SNCAIP: variants seen among roughly 807,000 people sequenced by gnomAD.
SNCAIP encodes the protein synphilin-1.
A neutral mutation model predicts 86.7 loss-of-function variants in SNCAIP; 43 were observed. The observed-to-expected ratio is 0.50, with a 90% CI of 0.39 to 0.64. The LOEUF (loss-of-function observed/expected upper bound fraction) is 0.64, where lower values mean the gene tolerates loss of function less well. Ranked by LOEUF, SNCAIP falls within the 30% of genes least tolerant of loss-of-function variation. The probability of loss-of-function intolerance (pLI) is 0.00; values close to 1 mark genes in which losing one functional copy is unlikely to be tolerated. For synonymous variants in SNCAIP, 417 were observed against 427.2 expected, an observed-to-expected ratio of 0.98 and a Z score of 0.29; for missense variants, 981 against 1,103.1, an observed-to-expected ratio of 0.89 and a Z score of 1.57.
intron 8 of SNCAIP, among the ~76,000 whole-genome samples, chr5:122,449,030 G>A (rs1783135982): frequency 6.6e-6 from 1 of 151,582 alleles, no homozygotes; most frequent in Admixed American, 6.6e-5. Flanking sequence ...AAAAAAATGA[G>A]GTTACAGATG....
intron 1 of SNCAIP, among the ~76,000 whole-genome samples, chr5:122,326,606 CTTTTTT>C (rs11297385): frequency 1.7e-4 from 7 of 42,130 alleles, no homozygotes; most frequent in African/African-American, 2.6e-4. Flanking sequence ...GAAATGTCTC[CTTTTTT>C]TTTTTTTTTT....
intron 1 of SNCAIP, among the ~76,000 whole-genome samples, chr5:122,338,423 A>G (rs901794810): frequency 1.3e-5 from 2 of 152,210 alleles, no homozygotes; most frequent in Admixed American, 6.5e-5. Context: ...TGTCAGTATT[A>G]ATCTAAAGGT....
At chr5:122,452,356 T>C (rs1158248566) in intron 10 of SNCAIP, among the ~76,000 whole-genome samples, 1 of 152,206 alleles carries the variant, frequency 6.6e-6, no homozygotes, top group African/African-American at 2.4e-5. Flanking sequence ...AAAAATGGTA[T>C]AGCAGCCAAA....
chr5:122,428,985 G>T (rs568374769), intron 5 of SNCAIP, among the ~76,000 whole-genome samples: 1 of 151,916 alleles, frequency 6.6e-6, no homozygotes, highest in Non-Finnish European at 1.5e-5. Flanking sequence ...TATGTCCTTC[G>T]ATCATAATAG....
intron 1 of SNCAIP, among the ~76,000 whole-genome samples, chr5:122,381,112 C>T (rs1455467154): frequency 1.5e-4 from 22 of 148,162 alleles, no homozygotes; most frequent in Non-Finnish European, 2.2e-4. Flanking sequence ...CTTTCTGTCT[C>T]GTTGATCTGT....
chr5:122,447,039 C>A (rs1782470301), intron 8 of SNCAIP, among the ~76,000 whole-genome samples: 1 of 152,186 alleles, frequency 6.6e-6, no homozygotes, highest in South Asian at 2.1e-4. Flanking sequence ...AGGATGGGTC[C>A]TACTCTGACT....
At chr5:122,315,191 G>A (rs988048057) in intron 1 of SNCAIP, among the ~76,000 whole-genome samples, 1 of 152,180 alleles carries the variant, frequency 6.6e-6, no homozygotes, top group African/African-American at 2.4e-5. Context: ...GCTATTCTTA[G>A]TTAGGTTCCC....
chr5:122,377,389 G>T (rs969470656), intron 1 of SNCAIP, among the ~76,000 whole-genome samples: 37 of 151,768 alleles, frequency 2.4e-4, no homozygotes, highest in African/African-American at 9.0e-4. Flanking sequence ...ATCTTCTCCT[G>T]CACAGCTCCT....
chr5:122,326,603 CTCCTT>C (rs1452135206), intron 1 of SNCAIP, among the ~76,000 whole-genome samples: 2 of 105,224 alleles, frequency 1.9e-5, no homozygotes, highest in African/African-American at 7.3e-5. Flanking sequence ...TCAGAAATGT[CTCCTT>C]TTTTTTTTTT....
chr5:122,446,629 G>A lies in SNCAIP; in HGVS notation c.1592+1897G>A, dbSNP rs977666351. 1.4e-4 allele frequency among the ~76,000 whole-genome samples: 22 copies of A among 152,302 alleles called. No homozygotes were observed. In the South Asian group the frequency reaches 2.5e-3, roughly 17 times the overall value. ...GACAAGATGAACTAAGAGAGGCTAC[G>A]TTGTATACCCTAGTCTTTTACCTAC... On this transcript the variant is annotated intron_variant, in intron 8 of 10. Transcript: ENST00000261368.
At position 122,433,733 on chromosome 5, in the gene SNCAIP, C is replaced by T. The variant is rs543383988; in HGVS notation, c.1296+1651C>T. 1.2e-4 allele frequency among the ~76,000 whole-genome samples: 19 copies of T among 152,268 alleles called. No homozygotes were observed. In the South Asian group the frequency reaches 2.3e-3, roughly 18 times the overall value. On this transcript the variant is annotated intron_variant, in intron 6 of 10. Transcript: ENST00000261368. ...ATGATTACTGGTTATTAAGGCATGA[C>T]GTAAGGATGTCATTTTTTGCTTATG...
chr5:122,429,330 A>G (rs58162995), intron 5 of SNCAIP, among the ~76,000 whole-genome samples: 1,848 of 151,790 alleles, frequency 0.012, 36 homozygotes, highest in African/African-American at 0.042. Context: ...GAAGGAAATA[A>G]TAAAAATTAG....
intron 7 of SNCAIP, chr5:122,443,597 G>C (rs1412020690): frequency 6.6e-6 from 3 of 456,872 alleles, no homozygotes; most frequent in African/African-American, 6.0e-5. Context: ...AAGGGACTTG[G>C]AATGGGAGTG....
chr5:122,404,941 A>G (rs1370978257), intron 3 of SNCAIP, among the ~76,000 whole-genome samples: 4 of 152,228 alleles, frequency 2.6e-5, no homozygotes, highest in Non-Finnish European at 5.9e-5. Flanking sequence ...GGTCAGAAAC[A>G]TCACAGAAGA....
chr5:122,448,661 T>TAA (rs1561796639), intron 8 of SNCAIP, among the ~76,000 whole-genome samples: 18,635 of 110,708 alleles, frequency 0.17, 2,544 homozygotes, highest in South Asian at 0.27. Context: ...TTTATATATA[T>TAA]TATATATATT....
chr5:122,329,562 T>A (rs1239843566), intron 1 of SNCAIP, among the ~76,000 whole-genome samples: 1 of 152,158 alleles, frequency 6.6e-6, no homozygotes, highest in Non-Finnish European at 1.5e-5. Context: ...GACAGATAGA[T>A]AAATGAAAAG....
chr5:122,392,562 T>C (rs867008700), intron 2 of SNCAIP, among the ~76,000 whole-genome samples: 18 of 152,156 alleles, frequency 1.2e-4, no homozygotes, highest in African/African-American at 4.3e-4. Flanking sequence ...GTAGGTAGGA[T>C]GGAAGGTGTT....
intron 8 of SNCAIP, among the ~76,000 whole-genome samples, chr5:122,446,779 T>C (rs1352490569): frequency 1.3e-5 from 2 of 152,132 alleles, no homozygotes; most frequent in Non-Finnish European, 2.9e-5. Context: ...GGAGAGAGGA[T>C]GGAAAACACT....
At chr5:122,392,872 T>C (rs1769710569) in intron 2 of SNCAIP, among the ~76,000 whole-genome samples, 1 of 152,230 alleles carries the variant, frequency 6.6e-6, no homozygotes, top group Non-Finnish European at 1.5e-5. Flanking sequence ...AATATTTATA[T>C]GACCAATGGT....
Sources: allele counts gnomAD v4.1 joint callset (sites outside exome capture counted in the v4.1 genomes callset), GRCh38; gene constraint gnomAD v4.1.1; transcripts MANE v1.5; gene names NCBI Gene and HGNC (gene_info 2026-07-23, HGNC 2026-07-21).